DSCC1: variants seen among roughly 807,000 people sequenced by gnomAD.
The protein encoded by DSCC1 is sister chromatid cohesion protein DCC1.
DSCC1 carries 32 observed loss-of-function variants against 48.2 expected under a neutral mutation model. That is an observed-to-expected ratio of 0.66 (90% CI 0.50 to 0.89). DSCC1 has a LOEUF of 0.89. Among genes scored for constraint, DSCC1 ranks in the 40% least tolerant of loss-of-function variants. The probability of loss-of-function intolerance (pLI) is 0.00; values close to 1 mark genes in which losing one functional copy is unlikely to be tolerated. For missense variants in DSCC1, 421 were observed against 471.7 expected, an observed-to-expected ratio of 0.89 and a Z score of 1.00; for synonymous variants, 150 against 171.5, an observed-to-expected ratio of 0.87 and a Z score of 0.98.
Position 119,853,132 on chromosome 8 carries a change from G to A in DSCC1, c.266C>T (p.Ser89Phe). 6 of 1,614,058 alleles carry A rather than the reference G, an allele frequency of 3.7e-6. No homozygotes were observed. The highest frequency in any genetic ancestry group is 5.1e-6 in the Non-Finnish European group (6 of 1,179,984). The change falls in exon 2 of 9, where the codon TCC becomes TTC. Residue 89 changes from serine to phenylalanine, a missense_variant. Physicochemically the swap from Ser to Phe is radical, Grantham distance 155. This residue lies in a region of DSCC1 where 174 missense variants were observed against 184.5 expected (regional missense o/e 0.94). Transcript: ENST00000313655. ...ACCAGGAATGAAAAGCAACATATTG[G>A]AAGTGTCTGCTATCTTCAAGTCGTA... The part of the protein sequence containing the change: ...KTYDLKIADT[S>F]NMLLFIPGCK...
intron 3 of DSCC1, among the ~76,000 whole-genome samples, chr8:119,849,029 T>A (rs1313082120): frequency 2.6e-5 from 4 of 151,402 alleles, no homozygotes; most frequent in African/African-American, 9.7e-5. Context: ...CTAAAAATAC[T>A]AAAAAATTAG....
Position 119,841,946 on chromosome 8 carries a change from C to T in DSCC1, c.772G>A (p.Glu258Lys), listed in dbSNP as rs144655317. 2.2e-5 allele frequency: 35 copies of T among 1,612,856 alleles called. No homozygotes were observed. In the African/African-American group the frequency reaches 3.5e-4, roughly 16 times the overall value. ...TCAGCATCCAACTCAAAATAAACTT[C>T]GCCTAAGGAAAAGTTATCAGATATT... ...CYGKKYVDEG[E>K]VYFELDADKI... The change falls in exon 7 of 9, where the codon GAA (glutamate) becomes AAA (lysine). Residue 258 changes from glutamate to lysine, a missense_variant and splice_region_variant. Around this residue, in one of 3 missense-constraint regions of DSCC1, gnomAD observed 238 missense variants for 259.0 expected, o/e 0.92. Transcript: ENST00000313655.
At chr8:119,855,593 C>CG in intron 1 of DSCC1, 21 bp downstream of exon 1, 1 of 1,529,002 alleles carries the variant, frequency 6.5e-7, no homozygotes, top group South Asian at 1.2e-5. Context: ...AGGCTGGGGG[C>CG]GCCGCGTGAC....
In DSCC1 at chr8:119,835,522, A is replaced by C. The variant is rs150387682; in HGVS notation, c.1074-521T>G. On this transcript the variant is annotated intron_variant, in intron 8 of 8. Transcript: ENST00000313655. ...ACTCTGTCTCAAAAAAACAAACAAA[A>C]AAAAAAGCAAAAAACAAAAACTAGA... Among the ~76,000 whole-genome samples the C allele has an allele frequency of 7.4e-4, 112 of 152,196 alleles. No homozygotes were observed. In the East Asian group the frequency reaches 0.015, roughly 20 times the overall value.
chr8:119,842,571 A>C (rs1225424081), intron 6 of DSCC1, among the ~76,000 whole-genome samples: 4 of 151,472 alleles, frequency 2.6e-5, no homozygotes, highest in Non-Finnish European at 5.9e-5. Context: ...TTTTTTGTGG[A>C]GACAGCATTT....
At chr8:119,844,355 C>T (rs1826819472) in intron 4 of DSCC1, among the ~76,000 whole-genome samples, 1 of 149,180 alleles carries the variant, frequency 6.7e-6, no homozygotes, top group Admixed American at 6.8e-5. Flanking sequence ...ATGAGAATTG[C>T]TTGAACCTGG....
intron 6 of DSCC1, 54 bp downstream of exon 6, chr8:119,842,722 G>A: frequency 6.6e-7 from 1 of 1,508,062 alleles, no homozygotes; most frequent in Non-Finnish European, 9.2e-7. Flanking sequence ...GCTTTAGAAA[G>A]GTATGCCAGT....
chr8:119,853,819 A>T (rs1826975897), intron 1 of DSCC1, among the ~76,000 whole-genome samples: 1 of 152,250 alleles, frequency 6.6e-6, no homozygotes, highest in African/African-American at 2.4e-5. Flanking sequence ...TTGCAAAAAA[A>T]TTGGGACCTT....
intron 8 of DSCC1, among the ~76,000 whole-genome samples, chr8:119,837,732 C>T (rs1826706869): frequency 6.6e-6 from 1 of 152,084 alleles, no homozygotes; most frequent in African/African-American, 2.4e-5. Flanking sequence ...AAAGTGTAGA[C>T]AGTAAGAGCT....
In DSCC1 at chr8:119,855,703, G is replaced by A. The variant is rs770533263; in HGVS notation, c.93C>T (p.Phe31=). 2.6e-6 allele frequency: 4 copies of A among 1,563,134 alleles called. No homozygotes were observed. The highest frequency in any genetic ancestry group is 3.5e-4 in the Middle Eastern group (2 of 5,786). Residue 31 remains phenylalanine, a synonymous_variant, in exon 1 of 9, where the codon TTC becomes TTT. Transcript: ENST00000313655. ...ELLPAVHCLG[F]GPGASGAAAG... Reference sequence around the variant, plus strand: ...CTGCAGCGCCGCTGGCCCCAGGGCCGAAGCCCAGGCAGTGCACCGCCGGCA... The same window carrying A: ...CTGCAGCGCCGCTGGCCCCAGGGCCAAAGCCCAGGCAGTGCACCGCCGGCA...
intron 6 of DSCC1, 122 bp from the exon 7 acceptor site, chr8:119,842,070 A>C: frequency 8.9e-7 from 1 of 1,119,528 alleles, no homozygotes; most frequent in Non-Finnish European, 1.2e-6. Context: ...ACTTCCGACA[A>C]CCCCATAGTT....
At chr8:119,843,102 A>T (rs957169285) in intron 5 of DSCC1, among the ~76,000 whole-genome samples, 1 of 150,338 alleles carries the variant, frequency 6.7e-6, no homozygotes, top group Non-Finnish European at 1.5e-5. Flanking sequence ...TCCTTTATTT[A>T]TTGTTTGTTT....
chr8:119,841,675 G>C, intron 7 of DSCC1, 119 bp downstream of exon 7: 1 of 1,014,964 alleles, frequency 9.9e-7, no homozygotes, highest in Non-Finnish European at 1.4e-6. Flanking sequence ...GGATGTACAT[G>C]CACTCCTAAT....
chr8:119,836,130 T>C (rs957830832), intron 8 of DSCC1, among the ~76,000 whole-genome samples: 3 of 152,204 alleles, frequency 2.0e-5, no homozygotes, highest in East Asian at 1.9e-4. Flanking sequence ...CTGGCCAACA[T>C]GGTGAAACCC....
At position 119,855,879 on chromosome 8, in the gene DSCC1, G is replaced by A; in HGVS notation, c.-84C>T. ...GAAAGAAGTTCCCAAGCAGCCGGAA[G>A]GTAGGAAACCTGAGCGTTTGAAAGC... is the stretch of plus-strand genomic sequence containing the variant. On this transcript the variant is annotated 5_prime_UTR_variant, in exon 1 of 9. Transcript: ENST00000313655. 7.2e-7 allele frequency: 1 copy of A among 1,385,764 alleles called. No homozygotes were observed. 85.8% of individuals were successfully genotyped at this position (1,385,764 alleles called of 1,614,324 possible). A position where few individuals can be genotyped will look rare whatever the true frequency, so the allele number is the denominator to read the frequency against.
intron 6 of DSCC1, 130 bp from the exon 7 acceptor site, chr8:119,842,078 G>T: frequency 2.8e-6 from 3 of 1,067,482 alleles, no homozygotes; most frequent in Non-Finnish European, 3.9e-6. Flanking sequence ...CAACCCCATA[G>T]TTCGTTTTTT....
chr8:119,853,066 C>A lies in DSCC1; in HGVS notation c.332G>T (p.Cys111Phe), dbSNP rs763501117. Reference protein sequence around the residue: ...PDQLKKEDSHCNIIHTEIFGF... With the variant: ...PDQLKKEDSHFNIIHTEIFGF... ...GAGCACCTCAGTGTGAATAATGTTA[C>A]AGTGTGAATCTTCCTTCTTCAACTG... Residue 111 changes from cysteine (C) to phenylalanine (F), a missense_variant, in exon 2 of 9, where the codon TGT (cysteine) becomes TTT (phenylalanine). Cys to Phe is a radical substitution (Grantham distance 205). This residue lies in a region of DSCC1 where 174 missense variants were observed against 184.5 expected (regional missense o/e 0.94). Transcript: ENST00000313655. 1 of 1,613,112 alleles carries A rather than the reference C, an allele frequency of 6.2e-7. No homozygotes were observed. The highest frequency in any genetic ancestry group is 2.2e-5 in the East Asian group (1 of 44,868).
At chr8:119,849,552 T>C (rs956908624) in intron 3 of DSCC1, among the ~76,000 whole-genome samples, 1 of 152,212 alleles carries the variant, frequency 6.6e-6, no homozygotes, top group East Asian at 1.9e-4. Context: ...CAAATCTATA[T>C]AGACAGAAAG....
chr8:119,848,028 G>A (rs1488768062), intron 3 of DSCC1, among the ~76,000 whole-genome samples: 2 of 151,960 alleles, frequency 1.3e-5, no homozygotes, highest in Admixed American at 6.6e-5. Context: ...AGGCTGGACT[G>A]CAGTGGTGTG....
Sources: gnomAD v4.1 joint callset for allele counts (sites outside exome capture counted in the v4.1 genomes callset) on GRCh38, gnomAD v4.1.1 for gene constraint, gnomAD v4.1.1 regional missense constraint, MANE v1.5 for transcripts, NCBI Gene and HGNC (gene_info 2026-07-23, HGNC 2026-07-21) for gene names.